The following CSMD1 variants were observed in gnomAD, a reference collection of about 807,000 sequenced individuals.
CSMD1 encodes CUB and Sushi multiple domains 1, also known as CUB and sushi domain-containing protein 1.
CSMD1 carries 213 observed loss-of-function variants against 417.5 expected under a neutral mutation model. The ratio of observed to expected loss-of-function variants is 0.51; its 90% CI spans 0.46 to 0.57. The LOEUF is 0.57. Ranked by LOEUF, CSMD1 falls within the 20% of genes least tolerant of loss-of-function variation. The pLI, the probability that CSMD1 is intolerant of heterozygous loss-of-function variation, is 0.00. For missense variants in CSMD1, 6,923 were observed against 4,529.7 expected, an observed-to-expected ratio of 1.53 and a Z score of -15.17; for synonymous variants, 2,862 against 1,736.8, an observed-to-expected ratio of 1.65 and a Z score of -16.11.
chr8:4,145,272 TTAGA>T (rs1804041270), intron 3 of CSMD1, among the ~76,000 whole-genome samples: 3 of 150,972 alleles, frequency 2.0e-5, no homozygotes, highest in Non-Finnish European at 2.9e-5. Flanking sequence ...ACTTGTAGAG[TTAGA>T]CTTCCAATGC....
At chr8:4,114,415 C>T (rs1450246720) in intron 3 of CSMD1, among the ~76,000 whole-genome samples, 1 of 152,172 alleles carries the variant, frequency 6.6e-6, no homozygotes, top group African/African-American at 2.4e-5. Flanking sequence ...AATATTACTG[C>T]TCATTGACAA....
chr8:3,811,608 C>G (rs1470369884), intron 5 of CSMD1, among the ~76,000 whole-genome samples: 1 of 152,166 alleles, frequency 6.6e-6, no homozygotes, highest in Non-Finnish European at 1.5e-5. Flanking sequence ...GGCACACACT[C>G]CTTCAGAACC....
chr8:4,275,676 T>C (rs747118053), intron 3 of CSMD1, among the ~76,000 whole-genome samples: 16 of 152,186 alleles, frequency 1.1e-4, no homozygotes, highest in Non-Finnish European at 2.2e-4. Flanking sequence ...TGTATACGTT[T>C]TGCAAAGCTT....
chr8:4,287,623 A>T (rs1585162888), intron 3 of CSMD1, among the ~76,000 whole-genome samples: 1 of 151,616 alleles, frequency 6.6e-6, no homozygotes, highest in East Asian at 1.9e-4. Flanking sequence ...ACATAACCTT[A>T]ATTAAATGCT....
intron 10 of CSMD1, among the ~76,000 whole-genome samples, chr8:3,566,228 G>A (rs940283623): frequency 2.6e-5 from 4 of 151,766 alleles, no homozygotes; most frequent in Admixed American, 6.6e-5. Flanking sequence ...AAGAGGAAGG[G>A]GATGAGAAAA....
chr8:2,941,750 G>A (rs370894607), intron 69 of CSMD1, among the ~76,000 whole-genome samples: 13 of 152,146 alleles, frequency 8.5e-5, no homozygotes, highest in Non-Finnish European at 1.8e-4. Flanking sequence ...TACATATAAA[G>A]AGCTAAATTT....
intron 2 of CSMD1, among the ~76,000 whole-genome samples, chr8:4,426,199 T>C (rs991563333): frequency 6.6e-6 from 1 of 151,986 alleles, no homozygotes; most frequent in Non-Finnish European, 1.5e-5. Context: ...ATCTGTGAAT[T>C]AAGAAGCCTT....
At chr8:3,619,776 G>T (rs79892793) in intron 7 of CSMD1, among the ~76,000 whole-genome samples, 1 of 152,066 alleles carries the variant, frequency 6.6e-6, no homozygotes, top group African/African-American at 2.4e-5. Flanking sequence ...CATTTCACAG[G>T]TTAGAAAGCA....
At chr8:3,742,729 A>G (rs1796874583) in intron 6 of CSMD1, among the ~76,000 whole-genome samples, 1 of 152,028 alleles carries the variant, frequency 6.6e-6, no homozygotes. Flanking sequence ...AGAGAGAGAG[A>G]GAGAGAGAAG....
chr8:4,174,809 G>T (rs1184042132), intron 3 of CSMD1, among the ~76,000 whole-genome samples: 1 of 133,018 alleles, frequency 7.5e-6, no homozygotes. Flanking sequence ...GAGAGATTCA[G>T]ATTAGTTTGT....
chr8:4,552,026 T>A (rs1228511117), intron 2 of CSMD1, among the ~76,000 whole-genome samples: 1 of 152,098 alleles, frequency 6.6e-6, no homozygotes, highest in East Asian at 1.9e-4. Flanking sequence ...TAGAAGTAGC[T>A]TTAACAGTTT....
chr8:3,265,161 T>G (rs890068309), intron 26 of CSMD1, among the ~76,000 whole-genome samples: 1 of 152,116 alleles, frequency 6.6e-6, no homozygotes, highest in Non-Finnish European at 1.5e-5. Context: ...TTAAGGAATT[T>G]ACACTCTCAC....
In CSMD1 at chr8:3,031,069, T is replaced by A. The variant is rs532211079; in HGVS notation, c.7661-1556A>T. ...AAGATTCAAATGTTTAACCTAATGA[T>A]AAAAATAATATTTTTCTCCAGCCAA... On this transcript the variant is annotated intron_variant, in intron 50 of 69. Transcript: ENST00000635120. Among the ~76,000 whole-genome samples the A allele has an allele frequency of 2.2e-4, 34 of 152,124 alleles. No individual in the cohort carries two copies. The East Asian group carries it at 6.0e-3, about 27-fold the overall frequency.
chr8:3,718,514 A>T (rs2129043621), intron 6 of CSMD1, among the ~76,000 whole-genome samples: 1 of 152,326 alleles, frequency 6.6e-6, no homozygotes, highest in South Asian at 2.1e-4. Flanking sequence ...AACCATTTGT[A>T]CTGTTGATAT....
At chr8:3,843,609 T>G (rs1368710260) in intron 5 of CSMD1, among the ~76,000 whole-genome samples, 1 of 152,134 alleles carries the variant, frequency 6.6e-6, no homozygotes, top group Non-Finnish European at 1.5e-5. Flanking sequence ...TTTGAATATT[T>G]TAAAGAGAAA....
chr8:3,951,444 T>C (rs748466858), intron 5 of CSMD1, among the ~76,000 whole-genome samples: 3 of 152,206 alleles, frequency 2.0e-5, no homozygotes, highest in East Asian at 1.9e-4. Context: ...TAGTGGGATG[T>C]AGAGTGCTGT....
At chr8:4,582,536 G>A (rs1305062434) in intron 2 of CSMD1, among the ~76,000 whole-genome samples, 3 of 152,164 alleles carry the variant, frequency 2.0e-5, no homozygotes, top group African/African-American at 7.2e-5. Context: ...ACAGGAGTGA[G>A]AGATCAGGAA....
chr8:3,949,103 G>C (rs1318583419), intron 5 of CSMD1, among the ~76,000 whole-genome samples: 2 of 152,082 alleles, frequency 1.3e-5, no homozygotes, highest in Non-Finnish European at 2.9e-5. Context: ...ACCTATTTAT[G>C]ATGTGCGATA....
intron 7 of CSMD1, among the ~76,000 whole-genome samples, chr8:3,663,570 C>G (rs1220056949): frequency 6.6e-6 from 1 of 152,202 alleles, no homozygotes; most frequent in Non-Finnish European, 1.5e-5. Flanking sequence ...CAACTCTATT[C>G]AAAGCCACCC....
Sources: allele counts gnomAD v4.1 joint callset (sites outside exome capture counted in the v4.1 genomes callset), GRCh38; gene constraint gnomAD v4.1.1; transcripts MANE v1.5; gene names NCBI Gene and HGNC (gene_info 2026-07-23, HGNC 2026-07-21).